The following TMEM154 variants were observed in gnomAD, a reference collection of about 807,000 sequenced individuals.
TMEM154 encodes the protein transmembrane protein 154.
TMEM154 carries 27 observed loss-of-function variants against 24.5 expected under a neutral mutation model. That is an observed-to-expected ratio of 1.10 (90% CI 0.81 to 1.52). TMEM154 has a LOEUF of 1.52. TMEM154 is among the 40% of genes most tolerant of loss of function. The pLI is 0.00. For synonymous variants in TMEM154, 67 were observed against 76.8 expected (o/e 0.87, Z 0.67); for missense variants, 228 against 213.4 (o/e 1.07, Z -0.43).
At chr4:152,676,484 C>A (rs1728954974) in intron 1 of TMEM154, among the ~76,000 whole-genome samples, 1 of 152,156 alleles carries the variant, frequency 6.6e-6, no homozygotes, top group Admixed American at 6.5e-5. Flanking sequence ...GTCACTTAGC[C>A]TCTCTGTGCC....
chr4:152,662,201 G>A (rs1484537211), intron 1 of TMEM154, among the ~76,000 whole-genome samples: 1 of 151,934 alleles, frequency 6.6e-6, no homozygotes, highest in Non-Finnish European at 1.5e-5. Flanking sequence ...GAGCATGAGA[G>A]GGTGTTAGGT....
At chr4:152,668,634 AAAC>A (rs767342154) in intron 1 of TMEM154, 1 of 152,292 alleles carries the variant, frequency 6.6e-6, no homozygotes, top group Admixed American at 6.5e-5. Context: ...GAGACAAACA[AAAC>A]AACAACTGGT....
At chr4:152,652,989 A>G (rs562313089) in intron 1 of TMEM154, 62 bp from the exon 2 acceptor site, 236 of 1,454,546 alleles carry the variant, frequency 1.6e-4, no homozygotes, top group Non-Finnish European at 2.1e-4. Context: ...TTATATTGTC[A>G]ATGATTTTTA....
chr4:152,677,143 C>T (rs898793585), intron 1 of TMEM154, among the ~76,000 whole-genome samples: 5 of 152,140 alleles, frequency 3.3e-5, no homozygotes, highest in Non-Finnish European at 7.3e-5. Context: ...CTATGCTCAC[C>T]CATTCCATTA....
intron 1 of TMEM154, among the ~76,000 whole-genome samples, chr4:152,678,089 A>G (rs1034822196): frequency 1.3e-5 from 2 of 152,188 alleles, no homozygotes; most frequent in Non-Finnish European, 2.9e-5. Context: ...TTTGCTAGGT[A>G]GGAAAAAGAA....
chr4:152,651,174 C>G (rs970724340), intron 3 of TMEM154, among the ~76,000 whole-genome samples: 2 of 147,370 alleles, frequency 1.4e-5, no homozygotes. Flanking sequence ...TATTAATAGT[C>G]CTAGATGGCA....
At chr4:152,646,879 G>A (rs1182967846) in intron 3 of TMEM154, 1 of 696,796 alleles carries the variant, frequency 1.4e-6, no homozygotes, top group Non-Finnish European at 2.6e-6. Context: ...AGTAAGCCAG[G>A]CATCATGTAG....
Position 152,620,505 on chromosome 4 carries a change from T to A in TMEM154, c.*8041A>T, listed in dbSNP as rs1275358294. 1 of 124,192 alleles carries A rather than the reference T, an allele frequency of 8.1e-6. No individual in the cohort carries two copies. Among genetic ancestry groups the A allele is most frequent in the South Asian group, 3.1e-4 (1 of 3,238 alleles). The allele number at this position is 124,192 out of a possible 1,614,324, so 7.7% of individuals were successfully genotyped here. A position where few individuals can be genotyped will look rare whatever the true frequency, so the allele number is the denominator to read the frequency against. ...AGGCATCCTTGACAATGACTGAAAC[T>A]TTTTTTTGTTTGTTTTTTTGTTGTT... is the stretch of plus-strand genomic sequence containing the variant. On this transcript the variant is annotated 3_prime_UTR_variant, in exon 7 of 7. Transcript: ENST00000304385.
At chr4:152,648,321 A>G (rs1289883298) in intron 3 of TMEM154, among the ~76,000 whole-genome samples, 3 of 152,054 alleles carry the variant, frequency 2.0e-5, no homozygotes, top group African/African-American at 7.2e-5. Flanking sequence ...CATCTCTACA[A>G]AACGTTTTTT....
At chr4:152,660,571 C>A (rs556797436) in intron 1 of TMEM154, among the ~76,000 whole-genome samples, 1 of 152,074 alleles carries the variant, frequency 6.6e-6, no homozygotes, top group African/African-American at 2.4e-5. Flanking sequence ...CACAACTTGC[C>A]CAAGATCACA....
intron 6 of TMEM154, among the ~76,000 whole-genome samples, chr4:152,633,016 G>C (rs933751372): frequency 2.0e-5 from 3 of 152,166 alleles, no homozygotes; most frequent in African/African-American, 7.2e-5. Flanking sequence ...TTTTACATAA[G>C]TAGCCAGTGT....
Position 152,628,088 on chromosome 4 carries a change from C to A in TMEM154, c.*458G>T. 5.9e-6 allele frequency: 1 copy of A among 169,270 alleles called. No homozygotes were observed. Among genetic ancestry groups the A allele is most frequent in the Admixed American group, 5.8e-5 (1 of 17,118 alleles). 10.5% of individuals were successfully genotyped at this position (169,270 alleles called of 1,614,324 possible). ...CCTGCTGAATGTAGTTTACCTGTCC[C>A]ACGACTTGAATAATCAGAGGAAATT... On this transcript the variant is annotated 3_prime_UTR_variant, in exon 7 of 7. Transcript: ENST00000304385.
intron 1 of TMEM154, among the ~76,000 whole-genome samples, chr4:152,657,518 G>T (rs1038813027): frequency 6.6e-6 from 1 of 151,842 alleles, no homozygotes; most frequent in South Asian, 2.1e-4. Flanking sequence ...TGCCTAAAAA[G>T]AAAAAGAAAA....
intron 1 of TMEM154, among the ~76,000 whole-genome samples, chr4:152,654,174 T>A (rs1258415000): frequency 6.6e-6 from 1 of 152,198 alleles, no homozygotes; most frequent in Non-Finnish European, 1.5e-5. Context: ...AAGCTGAAGG[T>A]CTTTGTCCTA....
At chr4:152,674,820 G>A (rs1374778183) in intron 1 of TMEM154, among the ~76,000 whole-genome samples, 1 of 152,130 alleles carries the variant, frequency 6.6e-6, no homozygotes, top group Non-Finnish European at 1.5e-5. Context: ...CATCCTCGGT[G>A]TACCAGGTTC....
In TMEM154 at chr4:152,624,593, C is replaced by G. The variant is rs1212964093; in HGVS notation, c.*3953G>C. 1 of 151,486 alleles carries G rather than the reference C, an allele frequency of 6.6e-6. No individual in the cohort carries two copies. The highest frequency in any genetic ancestry group is 2.4e-5 in the African/African-American group (1 of 41,202). The allele number at this position is 151,486 out of a possible 1,614,324, so 9.4% of individuals were successfully genotyped here. On this transcript the variant is annotated 3_prime_UTR_variant, in exon 7 of 7. Transcript: ENST00000304385. The stretch of plus-strand genomic sequence containing the variant: ...TCCAGCCTGGGCATCAGCATGAGAC[C>G]CCGTCTCAAAAAAAGAAAAATAAAA...
At position 152,671,530 on chromosome 4, in the gene TMEM154, G is replaced by A. The variant is rs536134100; in HGVS notation, c.64+8340C>T. 3.3e-5 allele frequency among the ~76,000 whole-genome samples: 5 copies of A among 151,604 alleles called. No homozygotes were observed. The South Asian group carries it at 8.3e-4, about 25-fold the overall frequency. On this transcript the variant is annotated intron_variant, in intron 1 of 6. Coordinates refer to ENST00000304385, the MANE Select transcript of TMEM154 (RefSeq NM_152680.3). ...TGGGAGGCCGAGGCGGGCAGATCAC[G>A]AGGTCAGGAGATCGAGACCATCCCG...
At chr4:152,677,395 C>A (rs1398260041) in intron 1 of TMEM154, among the ~76,000 whole-genome samples, 1 of 152,126 alleles carries the variant, frequency 6.6e-6, no homozygotes, top group Non-Finnish European at 1.5e-5. Flanking sequence ...CAGTGTCAGG[C>A]CCTTCAGTAG....
intron 1 of TMEM154, among the ~76,000 whole-genome samples, chr4:152,658,480 AAAAC>A (rs1362639341): frequency 1.3e-5 from 2 of 152,150 alleles, no homozygotes; most frequent in African/African-American, 2.4e-5. Context: ...AAACAAACAA[AAAAC>A]AAACAACACT....
Sources: allele counts gnomAD v4.1 joint callset (sites outside exome capture counted in the v4.1 genomes callset), GRCh38; gene constraint gnomAD v4.1.1; transcripts MANE v1.5; gene names NCBI Gene and HGNC (gene_info 2026-07-23, HGNC 2026-07-21).